Variants in COL8A2 observed in about 807,000 individuals in gnomAD.
COL8A2 encodes collagen alpha-2(VIII) chain.
In COL8A2, 16 loss-of-function variants were observed where a neutral mutation model predicts 24.0. That is an observed-to-expected ratio of 0.67 (90% CI 0.45 to 1.01). The LOEUF (loss-of-function observed/expected upper bound fraction) is 1.01, where lower values mean the gene tolerates loss of function less well. COL8A2 is among the 50% of genes least tolerant of loss of function. The probability of loss-of-function intolerance (pLI) is 0.00; values close to 1 mark genes in which losing one functional copy is unlikely to be tolerated. For missense variants in COL8A2, 818 were observed against 942.4 expected, an observed-to-expected ratio of 0.87 and a Z score of 1.73; for synonymous variants, 466 against 424.5, an observed-to-expected ratio of 1.10 and a Z score of -1.20.
At position 36,100,331 on chromosome 1, in the gene COL8A2, G is replaced by T. The variant is rs562985985; in HGVS notation, c.-16-73C>A. On this transcript the variant is annotated intron_variant, in intron 2 of 3. Coordinates refer to ENST00000397799, the MANE Select transcript of COL8A2 (RefSeq NM_005202.4). Reference sequence around the variant, plus strand: ...GGCACTAGGCCCGGGGTCACCAAAAGATCAGAATTTAGAGATTACACTGGA... The same window carrying T: ...GGCACTAGGCCCGGGGTCACCAAAATATCAGAATTTAGAGATTACACTGGA... 4 of 1,314,416 alleles carry T rather than the reference G, an allele frequency of 3.0e-6. No individual in the cohort carries two copies. The East Asian group carries it at 7.6e-5, about 25-fold the overall frequency. The allele number at this position is 1,314,416 out of a possible 1,614,324, so 81.4% of individuals were successfully genotyped here. A position where few individuals can be genotyped will look rare whatever the true frequency, so the allele number is the denominator to read the frequency against.
chr1:36,109,777 G>T lies in COL8A2; in HGVS notation c.-17+5931C>A, dbSNP rs186948915. On this transcript the variant is annotated intron_variant, in intron 2 of 3. Transcript: ENST00000397799. ...TAGAGACGGGGTTTCTACTAAACGG[G>T]GTTTCTACTAGGTAGACACCATGTT... 2.5e-3 allele frequency among the ~76,000 whole-genome samples: 375 copies of T among 151,168 alleles called. 2 individuals are homozygous for T. The highest frequency in any genetic ancestry group is 4.1e-3 in the Non-Finnish European group (281 of 67,824).
chr1:36,099,975 T>C, intron 3 of COL8A2, 75 bp downstream of exon 3: 1 of 1,422,504 alleles, frequency 7.0e-7, no homozygotes, highest in Non-Finnish European at 9.9e-7. Context: ...CCTGAGGATC[T>C]GATGGCTCTC....
In COL8A2 at chr1:36,098,154, T is replaced by C; in HGVS notation, c.1527A>G (p.Pro509=). ...TGATTCCAGGGGAGCCAGGGACCCC[T>C]GGGGGCCCCGTGGGCCCAGCCGTGC... ...EPGTAGPTGP[P]GVPGSPGITG... is the part of the protein sequence containing the mutation. Residue 509 remains proline (P), a synonymous_variant, in exon 4 of 4, where the codon CCA becomes CCG. Coordinates refer to ENST00000397799, the MANE Select transcript of COL8A2 (RefSeq NM_005202.4). 1.3e-6 allele frequency: 2 copies of C among 1,483,696 alleles called. No individual in the cohort carries two copies. Among genetic ancestry groups the C allele is most frequent in the South Asian group, 1.3e-5 (1 of 76,836 alleles). 91.9% of individuals were successfully genotyped at this position (1,483,696 alleles called of 1,614,324 possible).
At position 36,123,261 on chromosome 1, in the gene COL8A2, C is replaced by A. The variant is rs765615773; in HGVS notation, c.-62+1796G>T. On this transcript the variant is annotated intron_variant, in intron 1 of 3. Coordinates refer to ENST00000397799, the MANE Select transcript of COL8A2 (RefSeq NM_005202.4). This position sits in a 1 kb window ranked among gnomAD's most constrained non-coding sequence, Gnocchi z 4.1. ...CACTTCCCTGTAAGAGGTGCCCCAT[C>A]CCTGCCACTGAGAGTTCTGGAGCGG... 6.6e-6 allele frequency among the ~76,000 whole-genome samples: 1 copy of A among 152,204 alleles called. No individual in the cohort carries two copies. The highest frequency in any genetic ancestry group is 1.5e-5 in the Non-Finnish European group (1 of 68,028).
At chr1:36,120,876 G>C (rs1437496211) in intron 1 of COL8A2, among the ~76,000 whole-genome samples, 3 of 151,954 alleles carry the variant, frequency 2.0e-5, no homozygotes, top group Non-Finnish European at 4.4e-5. Flanking sequence ...CTCACTTGAA[G>C]TCAGGAGTTC....
At chr1:36,119,632 G>A (rs1435664950) in intron 1 of COL8A2, among the ~76,000 whole-genome samples, 6 of 152,202 alleles carry the variant, frequency 3.9e-5, no homozygotes, top group East Asian at 1.9e-4. Context: ...GAGCAGAGCC[G>A]TGGTCGCCTG....
At chr1:36,108,227 ACT>A (rs973923427) in intron 2 of COL8A2, among the ~76,000 whole-genome samples, 16 of 152,204 alleles carry the variant, frequency 1.1e-4, no homozygotes, top group African/African-American at 3.9e-4. Context: ...TAGGACCTCA[ACT>A]AAGAACCATG....
chr1:36,111,603 G>A (rs1025705800), intron 2 of COL8A2, among the ~76,000 whole-genome samples: 2 of 151,592 alleles, frequency 1.3e-5, no homozygotes, highest in African/African-American at 4.9e-5. Context: ...CTGGAGTTCA[G>A]TGGTGTACAT....
chr1:36,100,229 A>G lies in COL8A2; in HGVS notation c.14T>C (p.Leu5Pro). 6.4e-7 allele frequency: 1 copy of G among 1,566,256 alleles called. No homozygotes were observed. The highest frequency in any genetic ancestry group is 1.2e-5 in the South Asian group (1 of 86,606). The change falls in exon 3 of 4, where the codon CTG becomes CCG. Residue 5 changes from leucine (L) to proline (P), a missense_variant. Leu to Pro is a moderately conservative substitution (Grantham distance 98). Around this residue, in one of 3 missense-constraint regions of COL8A2, gnomAD observed 573 missense variants for 616.8 expected, o/e 0.93. Transcript: ENST00000397799. Reference protein sequence around the residue: MLGTLTPLSSLLLLL... With the variant: MLGTPTPLSSLLLLL... ...CAGCAGCAGCGAAGACAGGGGTGTC[A>G]GAGTCCCCAGCATGGCGTCCGTGGA...
intron 1 of COL8A2, among the ~76,000 whole-genome samples, chr1:36,120,606 G>A (rs541017771): frequency 6.6e-6 from 1 of 152,176 alleles, no homozygotes; most frequent in South Asian, 2.1e-4. Context: ...AAATTAGCCA[G>A]GCTTGGCAGC....
chr1:36,107,365 C>T (rs1643776343), intron 2 of COL8A2, among the ~76,000 whole-genome samples: 2 of 151,758 alleles, frequency 1.3e-5, no homozygotes, highest in African/African-American at 2.4e-5. Flanking sequence ...GATTGCACCA[C>T]TGCACTCCAG....
At chr1:36,122,974 A>T (rs1210520665) in intron 1 of COL8A2, among the ~76,000 whole-genome samples, 1 of 151,900 alleles carries the variant, frequency 6.6e-6, no homozygotes, top group Non-Finnish European at 1.5e-5. Flanking sequence ...GCCCTCAGCC[A>T]GGAACACCCT....
intron 2 of COL8A2, among the ~76,000 whole-genome samples, chr1:36,114,184 T>C (rs1643868349): frequency 6.6e-6 from 1 of 151,628 alleles, no homozygotes; most frequent in Admixed American, 6.6e-5. Context: ...CTGGGCGTGG[T>C]AGAGGGCGCC....
chr1:36,120,037 C>T (rs766341874), intron 1 of COL8A2, among the ~76,000 whole-genome samples: 31 of 152,156 alleles, frequency 2.0e-4, no homozygotes, highest in Non-Finnish European at 4.1e-4. Context: ...CCAGGGACCA[C>T]CAAGGGTTCC....
chr1:36,102,397 C>G (rs756054022), intron 2 of COL8A2, among the ~76,000 whole-genome samples: 12 of 152,046 alleles, frequency 7.9e-5, no homozygotes, highest in Admixed American at 4.6e-4. Context: ...GCCTCCCGGG[C>G]TCAAGTAATC....
chr1:36,113,601 C>G (rs559673870), intron 2 of COL8A2, among the ~76,000 whole-genome samples: 1 of 152,330 alleles, frequency 6.6e-6, no homozygotes, highest in East Asian at 1.9e-4. Context: ...AAGGACTGCC[C>G]CAAAGCCAAA....
chr1:36,106,320 C>T (rs956139821), intron 2 of COL8A2, among the ~76,000 whole-genome samples: 2 of 151,942 alleles, frequency 1.3e-5, no homozygotes, highest in Admixed American at 6.6e-5. Context: ...GGGCCACTCG[C>T]CAAGAGCACC....
rs928092919 is a variant in COL8A2 at position 36,123,296 on chromosome 1, C to A, written c.-62+1761G>T. Among the ~76,000 whole-genome samples, 1 of 152,338 alleles carries A rather than the reference C, an allele frequency of 6.6e-6. No individual in the cohort carries two copies. The highest frequency in any genetic ancestry group is 6.5e-5 in the Admixed American group (1 of 15,308). On this transcript the variant is annotated intron_variant, in intron 1 of 3. Transcript: ENST00000397799. The surrounding 1 kb of genome is among the most constrained non-coding windows in gnomAD (Gnocchi z 4.1). ...GAGAGTTCTGGAGCGGGCTGGGGGG[C>A]CAGCAGGGCAAGGAAGCTGGGGCTG...
rs181510797 is a variant in COL8A2 at position 36,102,051 on chromosome 1, G to A, written c.-16-1793C>T. Among the ~76,000 whole-genome samples, 39 of 150,606 alleles carry A rather than the reference G, an allele frequency of 2.6e-4. No individual in the cohort carries two copies. The East Asian group carries it at 4.6e-3, about 18-fold the overall frequency. ...AACAAAAAATTAGCTGGGTGTGGGC[G>A]TGCTGTGGTCCCAGCTACTCAGGAG... is the stretch of plus-strand genomic sequence containing the variant. On this transcript the variant is annotated intron_variant, in intron 2 of 3. Coordinates refer to ENST00000397799, the MANE Select transcript of COL8A2 (RefSeq NM_005202.4).
Sources: gnomAD v4.1 joint callset for allele counts (sites outside exome capture counted in the v4.1 genomes callset) on GRCh38, gnomAD v4.1.1 for gene constraint, gnomAD v4.1.1 regional missense constraint, Gnocchi (gnomAD v3.1) non-coding constraint, MANE v1.5 for transcripts, NCBI Gene and HGNC (gene_info 2026-07-23, HGNC 2026-07-21) for gene names.